The following CEBPZ variants were observed in gnomAD, a reference collection of about 807,000 sequenced individuals.
CEBPZ encodes CCAAT/enhancer-binding protein zeta.
In CEBPZ, 78 loss-of-function variants were observed where a neutral mutation model predicts 104.5. The observed-to-expected ratio is 0.75, with a 90% CI of 0.62 to 0.90. The LOEUF is 0.90. Among genes scored for constraint, CEBPZ ranks in the 40% least tolerant of loss-of-function variants. The probability of loss-of-function intolerance (pLI) is 0.00; values close to 1 mark genes in which losing one functional copy is unlikely to be tolerated. For synonymous variants in CEBPZ, 470 were observed against 427.0 expected (o/e 1.10, Z -1.24); for missense variants, 1,439 against 1,233.5 (o/e 1.17, Z -2.50).
intron 9 of CEBPZ, among the ~76,000 whole-genome samples, chr2:37,214,213 A>C (rs1677811455): frequency 6.6e-6 from 1 of 152,226 alleles, no homozygotes; most frequent in Admixed American, 6.5e-5. Context: ...ATTAGAATAC[A>C]GCAAAACTTA....
chr2:37,203,135 C>T (rs1449566044), intron 13 of CEBPZ, 127 bp from the exon 14 acceptor site: 2 of 565,904 alleles, frequency 3.5e-6, no homozygotes. Context: ...CTTCTGGCAC[C>T]ATTGGGTAGC....
intron 3 of CEBPZ, 136 bp from the exon 4 acceptor site, chr2:37,222,699 T>C: frequency 1.8e-6 from 1 of 567,598 alleles, no homozygotes; most frequent in Non-Finnish European, 3.0e-6. Flanking sequence ...AGTAAAATGA[T>C]GGCTATCAAT....
Position 37,222,644 on chromosome 2 carries a change from A to G in CEBPZ, c.1882-81T>C, listed in dbSNP as rs1408605211. The G allele has an allele frequency of 5.1e-6, 5 of 973,036 alleles. No homozygotes were observed. In the South Asian group the frequency reaches 8.0e-5, roughly 16 times the overall value. The allele number at this position is 973,036 out of a possible 1,614,324, so 60.3% of individuals were successfully genotyped here. A position where few individuals can be genotyped will look rare whatever the true frequency, so the allele number is the denominator to read the frequency against. Reference sequence around the variant, plus strand: ...GTCTGTGCTCCATTATGTGATGCAGAGTTTTACTTATTGCAACTCTGGTGA... The same window carrying G: ...GTCTGTGCTCCATTATGTGATGCAGGGTTTTACTTATTGCAACTCTGGTGA... On this transcript the variant is annotated intron_variant, in intron 3 of 15. Transcript: ENST00000234170.
At chr2:37,223,114 C>A (rs1664806751) in intron 3 of CEBPZ, 56 bp downstream of exon 3, 3 of 1,441,168 alleles carry the variant, frequency 2.1e-6, no homozygotes, top group East Asian at 2.3e-5. Context: ...AAAAACAAAA[C>A]AAAAACCAAT....
chr2:37,219,057 A>T (rs1378441311), intron 5 of CEBPZ, among the ~76,000 whole-genome samples: 1 of 152,220 alleles, frequency 6.6e-6, no homozygotes, highest in Non-Finnish European at 1.5e-5. Flanking sequence ...AGATTTTTAA[A>T]ACTTTAATCT....
At chr2:37,211,175 G>T in intron 12 of CEBPZ, 93 bp from the exon 13 acceptor site, 2 of 809,802 alleles carry the variant, frequency 2.5e-6, no homozygotes, top group East Asian at 2.6e-5. Flanking sequence ...TATTCTGATG[G>T]TAAGGCACTA....
intron 5 of CEBPZ, among the ~76,000 whole-genome samples, chr2:37,219,403 CTTTT>C (rs34265692): frequency 6.8e-6 from 1 of 147,794 alleles, no homozygotes; most frequent in East Asian, 2.0e-4. Flanking sequence ...GTCATACTGG[CTTTT>C]TTTTTTTTAA....
chr2:37,210,727 A>T (rs904285966), intron 13 of CEBPZ: 4 of 323,828 alleles, frequency 1.2e-5, no homozygotes, highest in Admixed American at 9.6e-5. Context: ...GAACTTACCT[A>T]TGTAACCAAA....
chr2:37,221,157 A>G (rs901554705), intron 4 of CEBPZ, among the ~76,000 whole-genome samples: 1 of 151,852 alleles, frequency 6.6e-6, no homozygotes, highest in Non-Finnish European at 1.5e-5. Context: ...CGTCTCTACA[A>G]AAAACACAAC....
intron 1 of CEBPZ, among the ~76,000 whole-genome samples, chr2:37,229,416 GTTCT>G (rs1387079107): frequency 1.3e-5 from 2 of 152,226 alleles, no homozygotes; most frequent in South Asian, 2.1e-4. Flanking sequence ...GAAAAAAAGG[GTTCT>G]TTAAGAATAT....
At chr2:37,210,958 A>G in intron 13 of CEBPZ, 41 bp downstream of exon 13, 3 of 1,444,758 alleles carry the variant, frequency 2.1e-6, no homozygotes, top group East Asian at 2.3e-5. Flanking sequence ...CACCTTTCAC[A>G]TGGACACTGC....
intron 13 of CEBPZ, 52 bp from the exon 14 acceptor site, chr2:37,203,060 G>A (rs1553348458): frequency 1.6e-6 from 2 of 1,236,928 alleles, no homozygotes; most frequent in South Asian, 1.6e-5. Flanking sequence ...AATGATTTTA[G>A]AAAAATGCAA....
In CEBPZ at chr2:37,201,714, G is replaced by T; in HGVS notation, c.*50C>A. 8.9e-7 allele frequency: 1 copy of T among 1,129,152 alleles called. No individual in the cohort carries two copies. The allele number at this position is 1,129,152 out of a possible 1,614,324, so 69.9% of individuals were successfully genotyped here. ...CTAGATCAAAAAACATGGTTGAACA[G>T]CAAAAATTAGATGTAAGTAGAATTT... On this transcript the variant is annotated 3_prime_UTR_variant, in exon 16 of 16. Coordinates refer to ENST00000234170, the MANE Select transcript of CEBPZ (RefSeq NM_005760.3).
chr2:37,230,359 T>C (rs1665027349), intron 1 of CEBPZ, among the ~76,000 whole-genome samples: 1 of 152,206 alleles, frequency 6.6e-6, no homozygotes, highest in Non-Finnish European at 1.5e-5. Context: ...AATGCAGTTG[T>C]AAAAATAATT....
In CEBPZ at chr2:37,228,799, G is replaced by C; in HGVS notation, c.394C>G (p.Gln132Glu). 3.7e-6 allele frequency: 6 copies of C among 1,607,808 alleles called. No homozygotes were observed. The East Asian group carries it at 1.1e-4, about 30-fold the overall frequency. Residue 132 changes from glutamine to glutamate, a missense_variant, in exon 2 of 16, where the codon CAA becomes GAA. By Grantham distance (29) the Gln-to-Glu change is conservative. Transcript: ENST00000234170. ...KINNKNTAES[Q>E]RTSVNKVKNK... ...TTCACCTTATTAACTGATGTCCTTT[G>C]ACTTTCTGCTGTATTTTTATTATTT...
chr2:37,228,206 T>C lies in CEBPZ; in HGVS notation c.987A>G (p.Arg329=), dbSNP rs1275429238. ...SSGNKDSRDR[R]LILWYFEHQL... ...GGTGTTCAAAATACCATAATATCAG[T>C]CTTCTATCTCTTGAGTCCTTGTTGC... is the stretch of plus-strand genomic sequence containing the variant. The change falls in exon 2 of 16, where the codon AGA becomes AGG. Residue 329 remains arginine, a synonymous_variant. Coordinates refer to ENST00000234170, the MANE Select transcript of CEBPZ (RefSeq NM_005760.3). 3 of 1,614,090 alleles carry C rather than the reference T, an allele frequency of 1.9e-6. No homozygotes were observed. In the African/African-American group the frequency reaches 4.0e-5, roughly 22 times the overall value.
At chr2:37,213,414 CTTTTG>C (rs1209332185) in intron 10 of CEBPZ, 3 of 152,562 alleles carry the variant, frequency 2.0e-5, no homozygotes, top group Admixed American at 6.5e-5. Context: ...ATATTTGTTT[CTTTTG>C]TTTTTTTTTT....
chr2:37,220,936 G>A (rs901031809), intron 4 of CEBPZ, among the ~76,000 whole-genome samples: 2 of 152,158 alleles, frequency 1.3e-5, no homozygotes, highest in Non-Finnish European at 2.9e-5. Context: ...GATGGGAGTT[G>A]CAGTGAACCA....
chr2:37,212,490 T>C, intron 10 of CEBPZ, 98 bp from the exon 11 acceptor site: 1 of 1,056,452 alleles, frequency 9.5e-7, no homozygotes, highest in African/African-American at 1.6e-5. Context: ...GATTCTGCTG[T>C]TTATGACAAG....
Sources: allele counts gnomAD v4.1 joint callset (sites outside exome capture counted in the v4.1 genomes callset), GRCh38; gene constraint gnomAD v4.1.1; transcripts MANE v1.5; gene names NCBI Gene and HGNC (gene_info 2026-07-23, HGNC 2026-07-21).